Variants in PRKCH observed in about 807,000 individuals in gnomAD.
PRKCH encodes protein kinase C eta type.
A neutral mutation model predicts 82.5 loss-of-function variants in PRKCH; 28 were observed. The ratio of observed to expected loss-of-function variants is 0.34; its 90% confidence interval spans 0.25 to 0.47. The LOEUF is 0.47. Ranked by LOEUF, PRKCH falls within the 20% of genes least tolerant of loss-of-function variation. The pLI is 1.00. For synonymous variants in PRKCH, 322 were observed against 327.4 expected, an observed-to-expected ratio of 0.98 and a Z score of 0.18; for missense variants, 705 against 881.8, an observed-to-expected ratio of 0.80 and a Z score of 2.54.
At chr14:61,437,919 G>C (rs766888643) in intron 2 of PRKCH, among the ~76,000 whole-genome samples, 6 of 151,792 alleles carry the variant, frequency 4.0e-5, no homozygotes, top group Non-Finnish European at 8.8e-5. Flanking sequence ...AACACAGCAA[G>C]ACCCTGTCTC....
chr14:61,192,435 G>A (rs1423276632), intron 1 of PRKCH, among the ~76,000 whole-genome samples: 1 of 152,212 alleles, frequency 6.6e-6, no homozygotes, highest in Non-Finnish European at 1.5e-5. Context: ...AAATCTCCTA[G>A]AATAACATAT....
chr14:61,368,754 A>AT (rs1314615974), intron 1 of PRKCH, among the ~76,000 whole-genome samples: 1 of 152,114 alleles, frequency 6.6e-6, no homozygotes, highest in East Asian at 1.9e-4. Flanking sequence ...AAGCTGTTTG[A>AT]TTATAAATGG....
chr14:61,465,833 T>G (rs917028513), intron 9 of PRKCH, among the ~76,000 whole-genome samples: 2 of 152,202 alleles, frequency 1.3e-5, no homozygotes, highest in Non-Finnish European at 2.9e-5. Flanking sequence ...CGTAGTTAAA[T>G]TGTCAGGTAC....
chr14:61,417,650 G>C (rs992758364), intron 2 of PRKCH, among the ~76,000 whole-genome samples: 9 of 152,116 alleles, frequency 5.9e-5, no homozygotes, highest in Non-Finnish European at 1.5e-5. Context: ...ACAGTGCTTG[G>C]TGCATTGTAG....
At chr14:61,421,272 T>C (rs1028045013) in intron 2 of PRKCH, among the ~76,000 whole-genome samples, 6 of 151,972 alleles carry the variant, frequency 3.9e-5, no homozygotes, top group African/African-American at 1.5e-4. Flanking sequence ...TTTCAGGCAA[T>C]ATTGATAGGG....
At chr14:61,264,508 C>T (rs900384930) in intron 1 of PRKCH, among the ~76,000 whole-genome samples, 1 of 152,156 alleles carries the variant, frequency 6.6e-6, no homozygotes, top group Admixed American at 6.5e-5. Flanking sequence ...TTGAATTGTG[C>T]CTAGGGCCTT....
intron 1 of PRKCH, among the ~76,000 whole-genome samples, chr14:61,242,065 A>G (rs1388925888): frequency 6.6e-6 from 1 of 152,242 alleles, no homozygotes; most frequent in Non-Finnish European, 1.5e-5. Flanking sequence ...GGAAAGAATA[A>G]CAACAGCAGC....
Position 61,225,700 on chromosome 14 carries a change from C to T in PRKCH, c.-19+38032C>T, listed in dbSNP as rs117129222. ...TTTATAAAAATAAGAGAGAAAACAA[C>T]CTATTCTGATGAAAGAGTATAAACA... On this transcript the variant is annotated intron_variant, in intron 1 of 3. Transcript: ENST00000555185. 5.7e-3 allele frequency among the ~76,000 whole-genome samples: 866 copies of T among 152,234 alleles called. 31 individuals are homozygous for T. In the East Asian group the frequency reaches 0.1, roughly 18 times the overall value.
chr14:61,319,976 G>A (rs2045594927), upstream of PRKCH, among the ~76,000 whole-genome samples: 1 of 152,180 alleles, frequency 6.6e-6, no homozygotes. Context: ...TGAAATCGTT[G>A]AGAACCTACT....
intron 1 of PRKCH, among the ~76,000 whole-genome samples, chr14:61,266,766 T>C (rs574134899): frequency 6.6e-6 from 1 of 152,248 alleles, no homozygotes; most frequent in Non-Finnish European, 1.5e-5. Flanking sequence ...GTGTATATTT[T>C]ATGCTAATAG....
intron 1 of PRKCH, among the ~76,000 whole-genome samples, chr14:61,346,485 T>C (rs1487902606): frequency 2.0e-5 from 3 of 152,236 alleles, no homozygotes; most frequent in African/African-American, 7.2e-5. Context: ...TGGTCTTATT[T>C]TCCCTTTTGA....
At chr14:61,232,822 T>G (rs1302784725) in intron 1 of PRKCH, among the ~76,000 whole-genome samples, 1 of 152,064 alleles carries the variant, frequency 6.6e-6, no homozygotes, top group African/African-American at 2.4e-5. Flanking sequence ...GTCCCAACCC[T>G]CTAATCAGGC....
At chr14:61,261,837 C>T (rs1240022283) in intron 1 of PRKCH, among the ~76,000 whole-genome samples, 1 of 152,080 alleles carries the variant, frequency 6.6e-6, no homozygotes, top group African/African-American at 2.4e-5. Flanking sequence ...TAAAGATAAA[C>T]AGGCATCTAC....
intron 2 of PRKCH, among the ~76,000 whole-genome samples, chr14:61,428,751 G>A (rs1023393765): frequency 6.6e-6 from 1 of 152,106 alleles, no homozygotes; most frequent in African/African-American, 2.4e-5. Flanking sequence ...CTTGTTTTGG[G>A]AAAATGAAAA....
chr14:61,471,267 G>C (rs1215513399), intron 9 of PRKCH, among the ~76,000 whole-genome samples: 1 of 151,950 alleles, frequency 6.6e-6, no homozygotes, highest in Admixed American at 6.5e-5. Context: ...TTTTAAAGAG[G>C]AGTGGCCAGG....
At chr14:61,538,709 C>T (rs185336032) in intron 12 of PRKCH, among the ~76,000 whole-genome samples, 3 of 152,200 alleles carry the variant, frequency 2.0e-5, no homozygotes, top group African/African-American at 4.8e-5. Flanking sequence ...CTTTTTGTTT[C>T]GAGTTAGAAA....
chr14:61,349,529 C>A (rs2046042972), intron 1 of PRKCH, among the ~76,000 whole-genome samples: 1 of 152,156 alleles, frequency 6.6e-6, no homozygotes, highest in African/African-American at 2.4e-5. Context: ...CAGATGACAC[C>A]TTTTTGACTC....
At chr14:61,288,577 ACT>A (rs759902034) in intron 1 of PRKCH, among the ~76,000 whole-genome samples, 16 of 152,178 alleles carry the variant, frequency 1.1e-4, no homozygotes, top group Non-Finnish European at 1.8e-4. Flanking sequence ...CTGAATAGTA[ACT>A]CTGAATTCGT....
intron 1 of PRKCH, among the ~76,000 whole-genome samples, chr14:61,250,469 A>G (rs1054403031): frequency 6.6e-6 from 1 of 152,118 alleles, no homozygotes; most frequent in Non-Finnish European, 1.5e-5. Flanking sequence ...CGTTTTACTG[A>G]GTGAAAGAAA....
Sources: allele counts gnomAD v4.1 joint callset (sites outside exome capture counted in the v4.1 genomes callset), GRCh38; gene constraint gnomAD v4.1.1; transcripts MANE v1.5; gene names NCBI Gene and HGNC (gene_info 2026-07-23, HGNC 2026-07-21).